HS3ST2: variants seen among roughly 807,000 people sequenced by gnomAD.
The protein encoded by HS3ST2 is heparan sulfate-glucosamine 3-sulfotransferase 2.
Under a neutral mutation model 26.3 loss-of-function variants are expected in HS3ST2, and 17 were observed. The ratio of observed to expected loss-of-function variants is 0.65; its 90% CI spans 0.44 to 0.97. The LOEUF is 0.97. Among genes scored for constraint, HS3ST2 ranks in the 50% least tolerant of loss-of-function variants. The probability of loss-of-function intolerance (pLI) is 0.00; values close to 1 mark genes in which losing one functional copy is unlikely to be tolerated. For missense variants in HS3ST2, 402 were observed against 501.2 expected, an observed-to-expected ratio of 0.80 and a Z score of 1.89; for synonymous variants, 237 against 219.2, an observed-to-expected ratio of 1.08 and a Z score of -0.72.
intron 1 of HS3ST2, among the ~76,000 whole-genome samples, chr16:22,837,520 TAC>T (rs1315305790): frequency 6.8e-6 from 1 of 147,062 alleles, no homozygotes; most frequent in Non-Finnish European, 1.5e-5. Flanking sequence ...TGTATATATA[TAC>T]ACATATATAT....
chr16:22,825,395 A>G (rs1901068901), intron 1 of HS3ST2, among the ~76,000 whole-genome samples: 1 of 152,234 alleles, frequency 6.6e-6, no homozygotes, highest in Non-Finnish European at 1.5e-5. Flanking sequence ...CACAGAGATG[A>G]ATATAACACA....
chr16:22,872,282 T>C (rs1020439402), intron 1 of HS3ST2, among the ~76,000 whole-genome samples: 1 of 152,222 alleles, frequency 6.6e-6, no homozygotes, highest in Non-Finnish European at 1.5e-5. Context: ...TCCAGACTTA[T>C]TTTCAAGGAG....
chr16:22,857,971 G>A (rs752034904), intron 1 of HS3ST2, among the ~76,000 whole-genome samples: 5 of 152,068 alleles, frequency 3.3e-5, no homozygotes, highest in East Asian at 1.9e-4. Context: ...TAGCTTTTGC[G>A]GTGGTTGTTC....
rs913019432 is a variant in HS3ST2, at chr16:22,815,181, T to G, written c.485+86T>G. The G allele has an allele frequency of 1.4e-4, 209 of 1,532,594 alleles. 1 individual carries two copies. Among genetic ancestry groups the G allele is most frequent in the Non-Finnish European group, 7.4e-5 (84 of 1,135,586 alleles). The allele number at this position is 1,532,594 out of a possible 1,614,324, so 94.9% of individuals were successfully genotyped here. ...ATCCGTCTCTTGTGTTTTCTCTTTCTTTTAACCCAACTCATTGTATGGGTT... is the reference window on the plus strand; with the variant it reads ...ATCCGTCTCTTGTGTTTTCTCTTTCGTTTAACCCAACTCATTGTATGGGTT... On this transcript the variant is annotated intron_variant, in intron 1 of 1. Transcript: ENST00000261374.
At chr16:22,862,827 C>A (rs935007420) in intron 1 of HS3ST2, among the ~76,000 whole-genome samples, 1 of 152,206 alleles carries the variant, frequency 6.6e-6, no homozygotes, top group Non-Finnish European at 1.5e-5. Flanking sequence ...AAGGGGGCAG[C>A]CCTCATGGGC....
Position 22,863,640 on chromosome 16 carries a change from C to T in HS3ST2, c.485+48545C>T, listed in dbSNP as rs373430619. Reference sequence around the variant, plus strand: ...TACCATTTGTATGTCCTGGGATGTCCTGGGACCCATCTTCTGGCTGCCCCT... The same window carrying T: ...TACCATTTGTATGTCCTGGGATGTCTTGGGACCCATCTTCTGGCTGCCCCT... On this transcript the variant is annotated intron_variant, in intron 1 of 1. Coordinates refer to ENST00000261374, the MANE Select transcript of HS3ST2 (RefSeq NM_006043.2). Among the ~76,000 whole-genome samples, 10 of 152,278 alleles carry T rather than the reference C, an allele frequency of 6.6e-5. No individual in the cohort carries two copies. In the South Asian group the frequency reaches 2.1e-3, roughly 32 times the overall value.
chr16:22,826,191 T>TGA (rs913811085), intron 1 of HS3ST2, among the ~76,000 whole-genome samples: 1 of 152,066 alleles, frequency 6.6e-6, no homozygotes, highest in African/African-American at 2.4e-5. Flanking sequence ...TCAGACTTAC[T>TGA]GAGAGAGAGA....
At chr16:22,913,287 G>A (rs1328272598) in intron 1 of HS3ST2, among the ~76,000 whole-genome samples, 1 of 152,030 alleles carries the variant, frequency 6.6e-6, no homozygotes, top group Non-Finnish European at 1.5e-5. Flanking sequence ...AGTAGCGGTT[G>A]GGAACCAGGG....
rs181716551 is a variant in HS3ST2, at chr16:22,840,688, C to T, written c.485+25593C>T. ...CACTGGGAGGTAGCAGCAGTTTATA[C>T]AGCTACATGCTAGAAAGAATGGGGG... On this transcript the variant is annotated intron_variant, in intron 1 of 1. Coordinates refer to ENST00000261374, the MANE Select transcript of HS3ST2 (RefSeq NM_006043.2). Among the ~76,000 whole-genome samples, 19 of 152,300 alleles carry T rather than the reference C, an allele frequency of 1.2e-4. No homozygotes were observed. The East Asian group carries it at 3.1e-3, about 25-fold the overall frequency.
At chr16:22,821,627 C>T (rs1774122536) in intron 1 of HS3ST2, among the ~76,000 whole-genome samples, 1 of 152,078 alleles carries the variant, frequency 6.6e-6, no homozygotes, top group African/African-American at 2.4e-5. Flanking sequence ...TCTGCTGGAG[C>T]TAACTCCGGT....
chr16:22,814,931 C>G lies in HS3ST2; in HGVS notation c.321C>G (p.Pro107=). The part of the protein sequence containing the change: ...RLSGSNHSGS[P]KLGTKRLPQA... The stretch of plus-strand genomic sequence containing the variant: ...CCGGTTCCAACCACTCCGGCTCACC[C>G]AAGCTGGGTACCAAGCGGTTGCCCC... The change falls in exon 1 of 2, where the codon CCC becomes CCG. Residue 107 remains proline, a synonymous_variant. Transcript: ENST00000261374. 1 of 1,606,476 alleles carries G rather than the reference C, an allele frequency of 6.2e-7. No homozygotes were observed. Among genetic ancestry groups the G allele is most frequent in the Non-Finnish European group, 8.5e-7 (1 of 1,177,088 alleles).
At chr16:22,859,968 A>G (rs1328352333) in intron 1 of HS3ST2, among the ~76,000 whole-genome samples, 1 of 152,076 alleles carries the variant, frequency 6.6e-6, no homozygotes. Flanking sequence ...GTCCAGCCAC[A>G]TTGCTCTTCC....
chr16:22,814,341 G>A lies in HS3ST2; in HGVS notation c.-270G>A. 1 of 381,768 alleles carries A rather than the reference G, an allele frequency of 2.6e-6. No individual in the cohort carries two copies. Among genetic ancestry groups the A allele is most frequent in the Non-Finnish European group, 4.6e-6 (1 of 216,284 alleles). The allele number at this position is 381,768 out of a possible 1,614,324, so 23.6% of individuals were successfully genotyped here. A position where few individuals can be genotyped will look rare whatever the true frequency, so the allele number is the denominator to read the frequency against. On this transcript the variant is annotated 5_prime_UTR_variant, in exon 1 of 2. Transcript: ENST00000261374. ...CGCACGTAAGAGCCTGGGAGCGCCC[G>A]AGCCGCCCGGCTGCCCGGAGCCCCA...
chr16:22,882,523 C>T (rs1217493879), intron 1 of HS3ST2, among the ~76,000 whole-genome samples: 1 of 151,858 alleles, frequency 6.6e-6, no homozygotes, highest in African/African-American at 2.4e-5. Context: ...CACTTGAGGT[C>T]AGGAGTTTGA....
chr16:22,908,838 G>A (rs1488289932), intron 1 of HS3ST2, among the ~76,000 whole-genome samples: 2 of 152,136 alleles, frequency 1.3e-5, no homozygotes, highest in East Asian at 1.9e-4. Flanking sequence ...AGTTTTGGAG[G>A]GGACAAATAT....
At chr16:22,886,991 A>G (rs1902069416) in intron 1 of HS3ST2, among the ~76,000 whole-genome samples, 2 of 152,120 alleles carry the variant, frequency 1.3e-5, no homozygotes, top group South Asian at 4.2e-4. Context: ...ACCTCAAGTG[A>G]TCCTCCTGCC....
At chr16:22,899,371 T>A (rs1260689505) in intron 1 of HS3ST2, among the ~76,000 whole-genome samples, 1 of 152,100 alleles carries the variant, frequency 6.6e-6, no homozygotes, top group Non-Finnish European at 1.5e-5. Flanking sequence ...TAGCAGGATA[T>A]TGAGAGCACT....
At chr16:22,899,939 T>C (rs1428543391) in intron 1 of HS3ST2, among the ~76,000 whole-genome samples, 1 of 152,230 alleles carries the variant, frequency 6.6e-6, no homozygotes, top group African/African-American at 2.4e-5. Context: ...CCCCTTTGTG[T>C]TGGCAATCAG....
At chr16:22,908,859 G>A (rs752250779) in intron 1 of HS3ST2, among the ~76,000 whole-genome samples, 12 of 152,076 alleles carry the variant, frequency 7.9e-5, no homozygotes, top group Non-Finnish European at 1.3e-4. Flanking sequence ...TCAAACGATC[G>A]CAAGAGGCCA....
Sources: allele counts gnomAD v4.1 joint callset (sites outside exome capture counted in the v4.1 genomes callset), GRCh38; gene constraint gnomAD v4.1.1; transcripts MANE v1.5; gene names NCBI Gene and HGNC (gene_info 2026-07-23, HGNC 2026-07-21).